COLEC12: variants seen among roughly 807,000 people sequenced by gnomAD.
COLEC12 encodes the protein collectin subfamily member 12, also known as collectin-12.
COLEC12 carries 33 observed loss-of-function variants against 71.1 expected under a neutral mutation model. The ratio of observed to expected loss-of-function variants is 0.46; its 90% CI spans 0.35 to 0.62. COLEC12 has a LOEUF of 0.62. Ranked by LOEUF, COLEC12 falls within the 20% of genes least tolerant of loss-of-function variation. COLEC12 has a pLI of 0.00. For missense variants in COLEC12, 765 were observed against 916.1 expected (o/e 0.84, Z 2.13); for synonymous variants, 350 against 353.0 (o/e 0.99, Z 0.10).
intron 1 of COLEC12, among the ~76,000 whole-genome samples, chr18:497,468 G>A (rs1917735747): frequency 6.6e-6 from 1 of 151,370 alleles, no homozygotes; most frequent in Non-Finnish European, 1.5e-5. Context: ...GCAGTGGCAC[G>A]ATCTCGGCTC....
chr18:373,224 T>C (rs1482985440), intron 2 of COLEC12, among the ~76,000 whole-genome samples: 2 of 152,234 alleles, frequency 1.3e-5, no homozygotes, highest in East Asian at 1.9e-4. Flanking sequence ...TTTGTCTACT[T>C]ATCCAATGTA....
intron 1 of COLEC12, among the ~76,000 whole-genome samples, chr18:485,393 T>C (rs1917500962): frequency 6.6e-6 from 1 of 152,246 alleles, no homozygotes; most frequent in Non-Finnish European, 1.5e-5. Flanking sequence ...TCCCTGTTTC[T>C]GACAGCCATC....
intron 2 of COLEC12, among the ~76,000 whole-genome samples, chr18:456,269 C>A (rs2143724299): frequency 6.6e-6 from 1 of 152,294 alleles, no homozygotes; most frequent in East Asian, 1.9e-4. Flanking sequence ...TCAATGAAGA[C>A]CAAAAATAGT....
rs1479268708 is a variant in COLEC12, at chr18:317,337, A to G, written c.*2708T>C. The stretch of plus-strand genomic sequence containing the variant: ...TTCATTTGATTTTATTCAGTGTGCT[A>G]TTAAGAAGGGCCCTTCCTTCTAAAG... On this transcript the variant is annotated 3_prime_UTR_variant, in exon 10 of 10. Coordinates refer to ENST00000400256, the MANE Select transcript of COLEC12 (RefSeq NM_130386.3). The G allele has an allele frequency of 6.6e-6, 1 of 152,240 alleles. No homozygotes were observed. Among genetic ancestry groups the G allele is most frequent in the Non-Finnish European group, 1.5e-5 (1 of 68,052 alleles). 9.4% of individuals were successfully genotyped at this position (152,240 alleles called of 1,614,324 possible).
intron 3 of COLEC12, 27 bp from the exon 4 acceptor site, chr18:348,190 T>C: frequency 7.7e-7 from 1 of 1,295,456 alleles, no homozygotes; most frequent in Non-Finnish European, 1.1e-6. Flanking sequence ...GATGCATTAG[T>C]ATACATATCT....
chr18:383,061 C>T (rs911763070), intron 2 of COLEC12, among the ~76,000 whole-genome samples: 7 of 152,156 alleles, frequency 4.6e-5, no homozygotes, highest in East Asian at 3.9e-4. Flanking sequence ...ATTCCCCCAA[C>T]GGGACTCTGT....
intron 2 of COLEC12, among the ~76,000 whole-genome samples, chr18:371,906 C>T (rs1177171348): frequency 2.6e-5 from 4 of 152,180 alleles, no homozygotes; most frequent in Admixed American, 6.5e-5. Flanking sequence ...GTCATCGGCA[C>T]AGCAGTAACA....
intron 2 of COLEC12, among the ~76,000 whole-genome samples, chr18:378,962 T>C (rs1046805479): frequency 3.9e-5 from 6 of 152,244 alleles, no homozygotes; most frequent in Admixed American, 3.9e-4. Flanking sequence ...GCCATAATCC[T>C]GAATGGCCTT....
intron 5 of COLEC12, among the ~76,000 whole-genome samples, chr18:337,768 C>T (rs1914151706): frequency 6.6e-6 from 1 of 152,180 alleles, no homozygotes; most frequent in African/African-American, 2.4e-5. Context: ...GCACCTCTAA[C>T]CTGCGTGTCT....
rs1163667254 is a variant in COLEC12 at position 347,316 on chromosome 18, G to A, written c.306C>T (p.Ile102=). 6.2e-7 allele frequency: 1 copy of A among 1,611,802 alleles called. No individual in the cohort carries two copies. The highest frequency in any genetic ancestry group is 1.1e-5 in the South Asian group (1 of 90,840). The part of the protein sequence containing the change: ...KLGDQTGKKA[I]STNSELSTFR... ...AGGTGGAGAGTTCTGAGTTGGTGCT[G>A]ATAGCTTTCTTCCCAGTTTGGTCAC... Residue 102 remains isoleucine, a synonymous_variant, in exon 5 of 10, where the codon ATC becomes ATT. Transcript: ENST00000400256.
intron 5 of COLEC12, among the ~76,000 whole-genome samples, chr18:340,301 C>G (rs940119536): frequency 3.3e-5 from 5 of 152,086 alleles, no homozygotes; most frequent in African/African-American, 1.2e-4. Flanking sequence ...AGGATACCCA[C>G]GCGGCTGGTA....
chr18:500,549 T>G lies in COLEC12; in HGVS notation c.-35A>C. ...GGGGACGCACCGCCGGCCGGGGAGC[T>G]CCGCGCGAGCGCCGCGCAGCCGAGG... On this transcript the variant is annotated 5_prime_UTR_variant, in exon 1 of 10. Transcript: ENST00000400256. The surrounding 1 kb of genome is among the most constrained non-coding windows in gnomAD (Gnocchi z 5.3). 1 of 1,220,336 alleles carries G rather than the reference T, an allele frequency of 8.2e-7. No homozygotes were observed. The highest frequency in any genetic ancestry group is 1.0e-6 in the Non-Finnish European group (1 of 981,006). 75.6% of individuals were successfully genotyped at this position (1,220,336 alleles called of 1,614,324 possible). A position where few individuals can be genotyped will look rare whatever the true frequency, so the allele number is the denominator to read the frequency against.
Position 398,016 on chromosome 18 carries a change from C to T in COLEC12, c.59-40494G>A, listed in dbSNP as rs544785721. On this transcript the variant is annotated intron_variant, in intron 2 of 9. Coordinates refer to ENST00000400256, the MANE Select transcript of COLEC12 (RefSeq NM_130386.3). ...TATGTCCAAATGTCTTAAATACTTA[C>T]ACAGGTCCATGGCCCAGGTCTATGA... Among the ~76,000 whole-genome samples, 4 of 152,252 alleles carry T rather than the reference C, an allele frequency of 2.6e-5. No homozygotes were observed. The South Asian group carries it at 8.3e-4, about 32-fold the overall frequency.
At chr18:366,235 C>T (rs1914854127) in intron 2 of COLEC12, among the ~76,000 whole-genome samples, 1 of 152,112 alleles carries the variant, frequency 6.6e-6, no homozygotes, top group Non-Finnish European at 1.5e-5. Context: ...TAGCGGGGGA[C>T]GTAGATGTCA....
intron 1 of COLEC12, among the ~76,000 whole-genome samples, chr18:494,992 T>C (rs540086501): frequency 1.3e-5 from 2 of 152,222 alleles, no homozygotes; most frequent in Non-Finnish European, 2.9e-5. Flanking sequence ...TTTAAGAGTA[T>C]TGATGGAATA....
intron 8 of COLEC12, among the ~76,000 whole-genome samples, chr18:324,210 G>T (rs1444707646): frequency 2.6e-5 from 4 of 152,048 alleles, no homozygotes; most frequent in Non-Finnish European, 4.4e-5. Context: ...CCCTCAGTCT[G>T]CATGTTTATA....
chr18:391,290 C>T (rs1489759181), intron 2 of COLEC12, among the ~76,000 whole-genome samples: 7 of 152,124 alleles, frequency 4.6e-5, no homozygotes, highest in Non-Finnish European at 1.0e-4. Flanking sequence ...AACTGGAATG[C>T]GGTGAGTGGT....
intron 2 of COLEC12, among the ~76,000 whole-genome samples, chr18:458,542 G>A (rs996844385): frequency 5.3e-5 from 8 of 152,202 alleles, no homozygotes; most frequent in African/African-American, 9.6e-5. Flanking sequence ...GTCCAGACCC[G>A]TTTTCTGAAG....
intron 2 of COLEC12, among the ~76,000 whole-genome samples, chr18:371,316 A>G (rs564510256): frequency 1.4e-4 from 22 of 152,190 alleles, no homozygotes; most frequent in Non-Finnish European, 2.8e-4. Context: ...TGGTGTGATT[A>G]TATGTTTACT....
Sources: gnomAD v4.1 joint callset for allele counts (sites outside exome capture counted in the v4.1 genomes callset) on GRCh38, gnomAD v4.1.1 for gene constraint, Gnocchi (gnomAD v3.1) non-coding constraint, MANE v1.5 for transcripts, NCBI Gene and HGNC (gene_info 2026-07-23, HGNC 2026-07-21) for gene names.